Variants in ZC4H2 observed in about 807,000 individuals in gnomAD.
ZC4H2 encodes zinc finger C4H2 domain-containing protein.
For missense variants in ZC4H2, 137 were observed against 173.9 expected (o/e 0.79, Z 1.19); for synonymous variants, 84 against 66.3 (o/e 1.27, Z -1.30).
chrX:64,998,478 C>A (rs1289840502), intron 1 of ZC4H2, among the ~76,000 whole-genome samples: 1 of 112,138 alleles, frequency 8.9e-6, no homozygotes, highest in Non-Finnish European at 1.9e-5. Context: ...CATATCCACA[C>A]CAAACAATAG....
intron 1 of ZC4H2, among the ~76,000 whole-genome samples, chrX:64,969,749 A>G (rs1019471426): frequency 8.9e-6 from 1 of 112,080 alleles, no homozygotes; most frequent in African/African-American, 3.2e-5. Context: ...TGCATGGTCA[A>G]GTATAATAAC....
intron 1 of ZC4H2, among the ~76,000 whole-genome samples, chrX:65,013,115 A>G (rs1018513344): frequency 4.5e-5 from 5 of 111,283 alleles, no homozygotes; most frequent in Non-Finnish European, 9.4e-5. Flanking sequence ...GTTGGCAGTT[A>G]TAAGTCTCTG....
intron 1 of ZC4H2, among the ~76,000 whole-genome samples, chrX:64,985,034 C>T (rs749335430): frequency 3.5e-4 from 39 of 112,398 alleles, no homozygotes; most frequent in Non-Finnish European, 6.8e-4. Flanking sequence ...TGATTTTGTT[C>T]TTTTATGGCT....
At chrX:65,024,502 A>G (rs957781741) in intron 1 of ZC4H2, among the ~76,000 whole-genome samples, 4 of 111,955 alleles carry the variant, frequency 3.6e-5, no homozygotes, top group African/African-American at 9.8e-5. Context: ...CAGAGCTACC[A>G]TTTGACACAG....
At chrX:65,015,478 C>A (rs1164408479) in intron 1 of ZC4H2, among the ~76,000 whole-genome samples, 1 of 112,118 alleles carries the variant, frequency 8.9e-6, no homozygotes, top group African/African-American at 3.2e-5. Context: ...AGGGGATCAC[C>A]ACTTGGTAAG....
chrX:64,943,758 G>T (rs1602403309), intron 1 of ZC4H2, among the ~76,000 whole-genome samples: 1 of 111,183 alleles, frequency 9.0e-6, no homozygotes, highest in African/African-American at 3.3e-5. Flanking sequence ...ATACAGAACA[G>T]TGATGGGTCT....
At chrX:64,967,343 A>C in intron 1 of ZC4H2, among the ~76,000 whole-genome samples, 1 of 111,587 alleles carries the variant, frequency 9.0e-6, no homozygotes, top group African/African-American at 3.3e-5. Flanking sequence ...CATGCCAGTC[A>C]CTGCTTAGAT....
At chrX:64,946,653 G>C (rs1362304987) in intron 1 of ZC4H2, among the ~76,000 whole-genome samples, 1 of 109,574 alleles carries the variant, frequency 9.1e-6, no homozygotes, top group Non-Finnish European at 1.9e-5. Context: ...ATAAACCCTG[G>C]TTGTTTTATA....
At chrX:65,032,490 A>G (rs888960547) in intron 1 of ZC4H2, among the ~76,000 whole-genome samples, 1 of 111,724 alleles carries the variant, frequency 9.0e-6, no homozygotes, top group Non-Finnish European at 1.9e-5. Context: ...TGAGAACTCT[A>G]TCCAAGCTCA....
chrX:64,927,221 T>C (rs1229750766), intron 1 of ZC4H2, among the ~76,000 whole-genome samples: 1 of 110,751 alleles, frequency 9.0e-6, no homozygotes, highest in African/African-American at 3.3e-5. Context: ...GCCATGGTGG[T>C]TTGCTGCACC....
chrX:64,944,389 G>C (rs1193270449), intron 1 of ZC4H2, among the ~76,000 whole-genome samples: 1 of 109,282 alleles, frequency 9.2e-6, no homozygotes, highest in African/African-American at 3.3e-5. Context: ...TTTTCTTTAA[G>C]AATGTTGAAT....
At chrX:64,997,704 T>C (rs767045351) in intron 1 of ZC4H2, among the ~76,000 whole-genome samples, 4 of 111,584 alleles carry the variant, frequency 3.6e-5, no homozygotes, top group Non-Finnish European at 7.5e-5. Context: ...ATCACCTAGG[T>C]GCGGGTGTTC....
chrX:64,992,508 G>A (rs188927211), intron 1 of ZC4H2, among the ~76,000 whole-genome samples: 1 of 111,674 alleles, frequency 9.0e-6, no homozygotes, highest in East Asian at 2.8e-4. Context: ...GGGTTTGGGT[G>A]ATCCCTCACA....
At chrX:64,922,401 C>T (rs1049192266) in intron 1 of ZC4H2, among the ~76,000 whole-genome samples, 1 of 112,061 alleles carries the variant, frequency 8.9e-6, no homozygotes, top group African/African-American at 3.2e-5. Context: ...GCTATGATTG[C>T]ACTACTGCAC....
intron 1 of ZC4H2, among the ~76,000 whole-genome samples, chrX:64,970,868 G>C (rs1931759260): frequency 1.8e-5 from 2 of 111,869 alleles, no homozygotes; most frequent in South Asian, 7.4e-4. Context: ...GATAAGGTCA[G>C]AATAGTGGGT....
intron 1 of ZC4H2, among the ~76,000 whole-genome samples, chrX:64,927,972 G>T (rs1014466416): frequency 1.1e-4 from 12 of 112,109 alleles, no homozygotes; most frequent in Non-Finnish European, 5.6e-5. Context: ...TTTTGATGGG[G>T]TTCTTTCTTT....
At chrX:64,979,467 C>T (rs897038988), upstream of ZC4H2, among the ~76,000 whole-genome samples, 3 of 112,617 alleles carry the variant, frequency 2.7e-5, no homozygotes, top group Non-Finnish European at 3.8e-5. Context: ...TAATGTGCCT[C>T]TTAGCTTCTG....
chrX:64,927,146 T>C (rs1422431940), intron 1 of ZC4H2, among the ~76,000 whole-genome samples: 1 of 111,178 alleles, frequency 9.0e-6, no homozygotes, highest in Non-Finnish European at 1.9e-5. Flanking sequence ...TTTTTTTTAT[T>C]ATTATACTTT....
At chrX:65,017,527 T>C (rs774750360) in intron 1 of ZC4H2, among the ~76,000 whole-genome samples, 3 of 111,032 alleles carry the variant, frequency 2.7e-5, no homozygotes, top group African/African-American at 1.0e-4. Context: ...TATGTAGAAA[T>C]TGAATTCCCA....
Sources: allele counts gnomAD v4.1 joint callset (sites outside exome capture counted in the v4.1 genomes callset), GRCh38; gene constraint gnomAD v4.1.1; transcripts MANE v1.5; gene names NCBI Gene and HGNC (gene_info 2026-07-23, HGNC 2026-07-21).